The following TTC7A variants were observed in gnomAD, a reference collection of about 807,000 sequenced individuals.
TTC7A encodes tetratricopeptide repeat protein 7A.
Under a neutral mutation model 103.7 loss-of-function variants are expected in TTC7A, and 110 were observed. The ratio of observed to expected loss-of-function variants is 1.06; its 90% CI spans 0.91 to 1.24. The LOEUF (loss-of-function observed/expected upper bound fraction) is 1.24. Among genes scored for constraint, TTC7A ranks in the 50% most tolerant of loss-of-function variants. The probability of loss-of-function intolerance (pLI) is 0.00; values close to 1 mark genes in which losing one functional copy is unlikely to be tolerated. For synonymous variants in TTC7A, 521 were observed against 467.9 expected, an observed-to-expected ratio of 1.11 and a Z score of -1.47; for missense variants, 1,340 against 1,116.3, an observed-to-expected ratio of 1.20 and a Z score of -2.86.
At chr2:47,023,818 C>T (rs1390867175) in intron 13 of TTC7A, among the ~76,000 whole-genome samples, 1 of 152,062 alleles carries the variant, frequency 6.6e-6, no homozygotes, top group Non-Finnish European at 1.5e-5. Flanking sequence ...TCAAAAATGG[C>T]ATTCACCTCC....
intron 5 of TTC7A, among the ~76,000 whole-genome samples, chr2:46,980,262 C>G (rs1674309663): frequency 6.9e-6 from 1 of 144,578 alleles, no homozygotes; most frequent in Non-Finnish European, 1.5e-5. Flanking sequence ...CTCTGACATC[C>G]AGGCTGGAGT....
chr2:46,954,396 A>G (rs1033749865), intron 2 of TTC7A, among the ~76,000 whole-genome samples: 4 of 152,106 alleles, frequency 2.6e-5, no homozygotes, highest in African/African-American at 9.7e-5. Flanking sequence ...TTTCACATTC[A>G]AATGCATGGG....
chr2:46,999,464 G>C (rs569988227), intron 8 of TTC7A: 51 of 984,920 alleles, frequency 5.2e-5, no homozygotes, highest in Non-Finnish European at 5.7e-5. Flanking sequence ...CACCCACCAT[G>C]TATCCATCTA....
rs1240571833 is a variant in TTC7A, at chr2:46,956,882, A to G, written c.392A>G (p.His131Arg). Residue 131 changes from histidine (H) to arginine (R), a missense_variant, in exon 3 of 20, where the codon CAT (histidine) becomes CGT (arginine). Coordinates refer to ENST00000319190, the MANE Select transcript of TTC7A (RefSeq NM_020458.4). Reference sequence around the variant, plus strand: ...GCCATGCTGATCCTGGGCAAACTGCATTACGTGGAGGGCTCATACCGAGAT... The same window carrying G: ...GCCATGCTGATCCTGGGCAAACTGCGTTACGTGGAGGGCTCATACCGAGAT... ...CEAMLILGKL[H>R]YVEGSYRDAI... 3 of 1,614,030 alleles carry G rather than the reference A, an allele frequency of 1.9e-6. No homozygotes were observed. The highest frequency in any genetic ancestry group is 2.2e-5 in the East Asian group (1 of 44,896).
chr2:47,015,476 C>T (rs1678542277), intron 11 of TTC7A, among the ~76,000 whole-genome samples: 1 of 152,150 alleles, frequency 6.6e-6, no homozygotes, highest in Admixed American at 6.5e-5. Context: ...GCTTTGGAGG[C>T]AGAGATGGTA....
chr2:46,926,299 A>G (rs369486166), intron 2 of TTC7A, among the ~76,000 whole-genome samples: 1 of 152,238 alleles, frequency 6.6e-6, no homozygotes, highest in African/African-American at 2.4e-5. Context: ...GCCATTGCCC[A>G]GGTACTGTGC....
At chr2:47,040,748 C>G (rs1367987427) in intron 15 of TTC7A, among the ~76,000 whole-genome samples, 1 of 152,226 alleles carries the variant, frequency 6.6e-6, no homozygotes, top group Non-Finnish European at 1.5e-5. Context: ...TAGAGGTCAT[C>G]ACAGTTCAGC....
intron 3 of TTC7A, among the ~76,000 whole-genome samples, chr2:46,967,821 G>T (rs545675986): frequency 6.6e-6 from 1 of 152,208 alleles, no homozygotes; most frequent in African/African-American, 2.4e-5. Context: ...ATTTTTAAAT[G>T]TTCTAATTTT....
intron 15 of TTC7A, among the ~76,000 whole-genome samples, chr2:47,044,080 C>T (rs1682052030): frequency 6.6e-6 from 1 of 151,860 alleles, no homozygotes; most frequent in Non-Finnish European, 1.5e-5. Flanking sequence ...ACTTGGCTGA[C>T]TGAGGGAGGG....
intron 1 of TTC7A, among the ~76,000 whole-genome samples, chr2:46,945,549 C>T (rs1008354482): frequency 6.6e-6 from 1 of 152,014 alleles, no homozygotes; most frequent in African/African-American, 2.4e-5. Context: ...TGCCCAGCTA[C>T]CTAGTTAATT....
At chr2:47,047,342 TCAGA>T (rs1247541972) in intron 16 of TTC7A, 1 of 1,541,626 alleles carries the variant, frequency 6.5e-7, no homozygotes, top group African/African-American at 1.4e-5. Context: ...AGGAGGGTAA[TCAGA>T]CAGAGTAAAA....
intron 10 of TTC7A, among the ~76,000 whole-genome samples, chr2:47,008,218 G>T (rs1338957210): frequency 6.6e-6 from 1 of 152,216 alleles, no homozygotes; most frequent in Non-Finnish European, 1.5e-5. Flanking sequence ...GAGAGGCCTA[G>T]GGCCAGAGCA....
chr2:47,074,144 A>G lies in TTC7A; in HGVS notation c.*221A>G, dbSNP rs992405511. 2 of 579,952 alleles carry G rather than the reference A, an allele frequency of 3.4e-6. No homozygotes were observed. Among genetic ancestry groups the G allele is most frequent in the Non-Finnish European group, 6.2e-6 (2 of 324,760 alleles). 35.9% of individuals were successfully genotyped at this position (579,952 alleles called of 1,614,324 possible). A position where few individuals can be genotyped will look rare whatever the true frequency, so the allele number is the denominator to read the frequency against. The stretch of plus-strand genomic sequence containing the variant: ...GGGAAACAGTCTGACTTGAACCCTA[A>G]GTGCCTTTGGAGAGTTTTGTGGTGA... On this transcript the variant is annotated 3_prime_UTR_variant, in exon 20 of 20. Transcript: ENST00000319190.
chr2:47,054,590 T>C (rs760520184), intron 18 of TTC7A, among the ~76,000 whole-genome samples: 4 of 151,946 alleles, frequency 2.6e-5, no homozygotes, highest in African/African-American at 9.7e-5. Flanking sequence ...CCGAGCACTT[T>C]GGGAGGCCGA....
chr2:46,959,039 A>T (rs566894240), intron 3 of TTC7A, among the ~76,000 whole-genome samples: 1 of 152,296 alleles, frequency 6.6e-6, no homozygotes, highest in East Asian at 1.9e-4. Context: ...TAAGGTTGGA[A>T]GAAGTGAGGT....
At chr2:47,006,130 A>C in intron 9 of TTC7A, 71 bp downstream of exon 9, 4 of 1,570,052 alleles carry the variant, frequency 2.5e-6, no homozygotes, top group Non-Finnish European at 3.5e-6. Flanking sequence ...AGACAGAGCC[A>C]TTTGTCCCTT....
intron 8 of TTC7A, among the ~76,000 whole-genome samples, chr2:47,004,938 A>C (rs1677214819): frequency 6.6e-6 from 1 of 152,088 alleles, no homozygotes; most frequent in African/African-American, 2.4e-5. Context: ...GACTATCTGC[A>C]CATACCAAAG....
chr2:46,968,592 G>A lies in TTC7A; in HGVS notation c.518-6381G>A, dbSNP rs181515581. 4.4e-3 allele frequency among the ~76,000 whole-genome samples: 674 copies of A among 152,266 alleles called. 2 individuals carry two copies. Among genetic ancestry groups the A allele is most frequent in the Non-Finnish European group, 4.6e-3 (315 of 68,026 alleles). ...GTGACTGGACTGTGACCTTGCTTAG[G>A]AAAAGCCACTGCCAGCTCCAGAAAC... On this transcript the variant is annotated intron_variant, in intron 3 of 19. Transcript: ENST00000319190.
At chr2:46,943,814 G>A (rs1670683346) in intron 1 of TTC7A, among the ~76,000 whole-genome samples, 1 of 152,210 alleles carries the variant, frequency 6.6e-6, no homozygotes. Context: ...AATTGGGAGA[G>A]GTTCTGAGAT....
Sources: gnomAD v4.1 joint callset for allele counts (sites outside exome capture counted in the v4.1 genomes callset) on GRCh38, gnomAD v4.1.1 for gene constraint, MANE v1.5 for transcripts, NCBI Gene and HGNC (gene_info 2026-07-23, HGNC 2026-07-21) for gene names.